XKR4: variants seen among roughly 807,000 people sequenced by gnomAD.
The protein encoded by XKR4 is XK-related protein 4.
XKR4 carries 12 observed loss-of-function variants against 53.9 expected under a neutral mutation model. That is an observed-to-expected ratio of 0.22 (90% CI 0.14 to 0.36). XKR4 has a LOEUF of 0.36. XKR4 is among the 10% of genes least tolerant of loss of function. XKR4 has a pLI of 1.00. For synonymous variants in XKR4, 354 were observed against 362.4 expected (o/e 0.98, Z 0.26); for missense variants, 799 against 859.5 (o/e 0.93, Z 0.88).
At chr8:55,506,985 G>A (rs116890549) in intron 2 of XKR4, among the ~76,000 whole-genome samples, 3 of 152,060 alleles carry the variant, frequency 2.0e-5, no homozygotes, top group East Asian at 3.9e-4. Context: ...TTAGCTTAGG[G>A]TTGTGGTGTC....
At chr8:55,413,716 A>G (rs577796246) in intron 2 of XKR4, among the ~76,000 whole-genome samples, 3 of 152,146 alleles carry the variant, frequency 2.0e-5, no homozygotes, top group Non-Finnish European at 4.4e-5. Context: ...AGAGAGATGC[A>G]TTTTGCCACT....
intron 1 of XKR4, among the ~76,000 whole-genome samples, chr8:55,319,845 C>A (rs1263049566): frequency 6.6e-6 from 1 of 152,124 alleles, no homozygotes; most frequent in Non-Finnish European, 1.5e-5. Context: ...CTCAGTTAGG[C>A]AGTGGTAGAA....
chr8:55,292,433 A>G (rs1819043350), intron 1 of XKR4, among the ~76,000 whole-genome samples: 1 of 152,064 alleles, frequency 6.6e-6, no homozygotes, highest in Non-Finnish European at 1.5e-5. Flanking sequence ...TCAGATTTAT[A>G]TGTACAGAAT....
chr8:55,224,924 G>T (rs1374207467), intron 1 of XKR4, among the ~76,000 whole-genome samples: 3 of 152,166 alleles, frequency 2.0e-5, no homozygotes, highest in African/African-American at 7.2e-5. Context: ...GTTAAAAGAC[G>T]TTAAGAATAA....
At chr8:55,155,020 T>A (rs1816885696) in intron 1 of XKR4, among the ~76,000 whole-genome samples, 1 of 152,142 alleles carries the variant, frequency 6.6e-6, no homozygotes, top group Admixed American at 6.5e-5. Flanking sequence ...TTCAAGGAGC[T>A]CTTTCCTCCA....
chr8:55,437,704 G>C (rs547214965), intron 2 of XKR4, among the ~76,000 whole-genome samples: 1 of 152,326 alleles, frequency 6.6e-6, no homozygotes, highest in African/African-American at 2.4e-5. Context: ...TACTGGTATA[G>C]ATATGGGCTC....
intron 1 of XKR4, among the ~76,000 whole-genome samples, chr8:55,218,878 G>A (rs1158032979): frequency 6.6e-6 from 1 of 152,136 alleles, no homozygotes; most frequent in Non-Finnish European, 1.5e-5. Flanking sequence ...TTAGTGTTCT[G>A]TAGGAATTGT....
intron 2 of XKR4, among the ~76,000 whole-genome samples, chr8:55,480,061 A>G (rs2129401071): frequency 6.6e-6 from 1 of 152,352 alleles, no homozygotes. Flanking sequence ...TGAGGCCAGC[A>G]TCATACTGAT....
chr8:55,254,527 C>T (rs16921517), intron 1 of XKR4, among the ~76,000 whole-genome samples: 2,788 of 152,170 alleles, frequency 0.018, 77 homozygotes, highest in African/African-American at 0.064. Context: ...TCATGGAACT[C>T]GTGATCCTTT....
At chr8:55,366,084 CAG>C (rs1490829520) in intron 2 of XKR4, among the ~76,000 whole-genome samples, 1 of 152,210 alleles carries the variant, frequency 6.6e-6, no homozygotes. Context: ...TGGCTGGAGA[CAG>C]GCGCTGTGGA....
At chr8:55,198,610 C>T (rs1817534538) in intron 1 of XKR4, among the ~76,000 whole-genome samples, 1 of 151,918 alleles carries the variant, frequency 6.6e-6, no homozygotes, top group Non-Finnish European at 1.5e-5. Context: ...ATACACTTGT[C>T]ATCAGTTAGA....
At chr8:55,423,551 G>A (rs1161842683) in intron 2 of XKR4, among the ~76,000 whole-genome samples, 1 of 152,112 alleles carries the variant, frequency 6.6e-6, no homozygotes, top group Non-Finnish European at 1.5e-5. Flanking sequence ...GATCTTAAAG[G>A]TCAGTTTTCA....
At chr8:55,451,749 C>A in intron 2 of XKR4, 1 of 1,172,298 alleles carries the variant, frequency 8.5e-7, no homozygotes, top group Non-Finnish European at 1.3e-6. Context: ...CAGACTTGGC[C>A]CGGCTCAGGC....
rs568560913 is a variant in XKR4 at position 55,454,710 on chromosome 8, G to A, written c.1007-68571G>A. The A allele has an allele frequency of 7.1e-5, 60 of 840,842 alleles. No individual in the cohort carries two copies. The African/African-American group carries it at 9.3e-4, about 13-fold the overall frequency. The allele number at this position is 840,842 out of a possible 1,614,324, so 52.1% of individuals were successfully genotyped here. A position where few individuals can be genotyped will look rare whatever the true frequency, so the allele number is the denominator to read the frequency against. ...TCAGGCCCTCCACGTGGACGGCATA[G>A]ATGAGGCCGAGGCTGTTCCTGAACA... On this transcript the variant is annotated intron_variant, in intron 2 of 2. Transcript: ENST00000327381.
chr8:55,466,457 G>C (rs1805770943), intron 2 of XKR4, among the ~76,000 whole-genome samples: 1 of 152,048 alleles, frequency 6.6e-6, no homozygotes, highest in South Asian at 2.1e-4. Context: ...GACACAGGAA[G>C]GTGAACATCT....
At chr8:55,225,354 G>C (rs4272353) in intron 1 of XKR4, among the ~76,000 whole-genome samples, 58,403 of 152,054 alleles carry the variant, frequency 0.38, 11,747 homozygotes, top group Middle Eastern at 0.48. Context: ...TAGAAATTAC[G>C]CTTTAGGTGG....
At chr8:55,342,373 C>T (rs1446931859) in intron 1 of XKR4, among the ~76,000 whole-genome samples, 1 of 152,174 alleles carries the variant, frequency 6.6e-6, no homozygotes, top group African/African-American at 2.4e-5. Flanking sequence ...TCTGACTCTA[C>T]ACTCGCTCCC....
At chr8:55,296,992 T>C (rs1819110666) in intron 1 of XKR4, among the ~76,000 whole-genome samples, 1 of 152,192 alleles carries the variant, frequency 6.6e-6, no homozygotes, top group Non-Finnish European at 1.5e-5. Context: ...CGATTGAGGG[T>C]CTCTATTTCT....
At chr8:55,171,162 G>A (rs1817150967) in intron 1 of XKR4, among the ~76,000 whole-genome samples, 1 of 152,194 alleles carries the variant, frequency 6.6e-6, no homozygotes, top group African/African-American at 2.4e-5. Flanking sequence ...AGGAAATAGT[G>A]AAGATGATTT....
Sources: gnomAD v4.1 joint callset for allele counts (sites outside exome capture counted in the v4.1 genomes callset) on GRCh38, gnomAD v4.1.1 for gene constraint, MANE v1.5 for transcripts, NCBI Gene and HGNC (gene_info 2026-07-23, HGNC 2026-07-21) for gene names.